PDE4D: variants seen among roughly 807,000 people sequenced by gnomAD.
PDE4D encodes the protein phosphodiesterase 4D.
Under a neutral mutation model 87.4 loss-of-function variants are expected in PDE4D, and 24 were observed. The ratio of observed to expected loss-of-function variants is 0.27; its 90% CI spans 0.20 to 0.39. The LOEUF is 0.39. Ranked by LOEUF, PDE4D falls within the 10% of genes least tolerant of loss-of-function variation. The pLI is 1.00. For synonymous variants in PDE4D, 384 were observed against 383.2 expected, an observed-to-expected ratio of 1.00 and a Z score of -0.02; for missense variants, 714 against 1,041.0, an observed-to-expected ratio of 0.69 and a Z score of 4.32.
rs74401640 is a variant in PDE4D at position 59,189,921 on chromosome 5, T to C, written c.684+3579A>G. ...AGAATTTCTAGCCCTGACAGTGTTTTAGACAATGGGATAAACTATGGAGAG... is the reference window on the plus strand; with the variant it reads ...AGAATTTCTAGCCCTGACAGTGTTTCAGACAATGGGATAAACTATGGAGAG... On this transcript the variant is annotated intron_variant, in intron 3 of 14. Transcript: ENST00000340635. Among the ~76,000 whole-genome samples the C allele has an allele frequency of 3.9e-4, 60 of 152,360 alleles. 1 individual carries two copies. In the East Asian group the frequency reaches 0.011, roughly 29 times the overall value.
chr5:60,051,131 T>C (rs117507665), intron 2 of PDE4D, among the ~76,000 whole-genome samples: 23,381 of 151,898 alleles, frequency 0.15, 1,832 homozygotes, highest in Middle Eastern at 0.23. Flanking sequence ...AGACACATCA[T>C]TGAGACAGAA....
intron 3 of PDE4D, among the ~76,000 whole-genome samples, chr5:59,187,179 G>GA (rs1271985688): frequency 2.0e-5 from 3 of 152,090 alleles, no homozygotes; most frequent in Non-Finnish European, 4.4e-5. Flanking sequence ...CATCAGTCAT[G>GA]AAAAGAAAAA....
intron 1 of PDE4D, among the ~76,000 whole-genome samples, chr5:59,698,105 T>C (rs1752047164): frequency 6.6e-6 from 1 of 152,142 alleles, no homozygotes; most frequent in Non-Finnish European, 1.5e-5. Context: ...TAGAAAGCAT[T>C]CATCCCACTA....
chr5:60,127,035 C>T (rs1356705336), intron 2 of PDE4D, among the ~76,000 whole-genome samples: 1 of 152,074 alleles, frequency 6.6e-6, no homozygotes, highest in Non-Finnish European at 1.5e-5. Context: ...GTCTTCTAAA[C>T]TGAAGTGAAT....
At chr5:59,037,076 C>A (rs1426137131) in intron 6 of PDE4D, among the ~76,000 whole-genome samples, 1 of 151,986 alleles carries the variant, frequency 6.6e-6, no homozygotes, top group Non-Finnish European at 1.5e-5. Context: ...ATTATTATGA[C>A]CTAAAAAATT....
At chr5:59,187,216 T>G (rs1486483654) in intron 3 of PDE4D, among the ~76,000 whole-genome samples, 1 of 152,186 alleles carries the variant, frequency 6.6e-6, no homozygotes, top group East Asian at 1.9e-4. Context: ...AAAATTTCTG[T>G]AGAGGAGTTT....
At chr5:59,145,105 G>T (rs942008498) in intron 5 of PDE4D, among the ~76,000 whole-genome samples, 16 of 152,256 alleles carry the variant, frequency 1.1e-4, no homozygotes, top group East Asian at 5.8e-4. Context: ...AGGTGTATTT[G>T]TTGAATGCTT....
chr5:60,519,645 G>C (rs16878201), intron 1 of PDE4D, among the ~76,000 whole-genome samples: 9,774 of 152,250 alleles, frequency 0.064, 841 homozygotes, highest in African/African-American at 0.2. Context: ...GCCAAACTTA[G>C]AGGCTGAGTG....
intron 5 of PDE4D, among the ~76,000 whole-genome samples, chr5:59,056,751 C>A (rs959370521): frequency 6.6e-6 from 1 of 152,150 alleles, no homozygotes; most frequent in Non-Finnish European, 1.5e-5. Flanking sequence ...CTTCCAGCTT[C>A]ATTCACGTCC....
chr5:59,951,589 TGGACTG>T lies in PDE4D; in HGVS notation c.272+36893_272+36898del, dbSNP rs1319142168. Among the ~76,000 whole-genome samples the T allele has an allele frequency of 2.0e-5, 3 of 152,184 alleles. No homozygotes were observed. In the East Asian group the frequency reaches 5.8e-4, roughly 29 times the overall value. The stretch of plus-strand genomic sequence containing the variant: ...GAGCTTGCCAATGAAAATTTTACCA[TGGACTG>T]GCTTCAGTCTTTGCAATGACATTTA... On this transcript the variant is annotated intron_variant, in intron 3 of 16. Coordinates refer to the PDE4D transcript ENST00000502484.
intron 1 of PDE4D, among the ~76,000 whole-genome samples, chr5:59,361,856 C>T (rs2153593322): frequency 6.6e-6 from 1 of 152,224 alleles, no homozygotes; most frequent in South Asian, 2.1e-4. Flanking sequence ...ACATTATATT[C>T]TTATATGTGC....
intron 1 of PDE4D, among the ~76,000 whole-genome samples, chr5:59,685,584 G>A (rs1749720654): frequency 2.0e-5 from 3 of 152,096 alleles, no homozygotes; most frequent in Non-Finnish European, 4.4e-5. Context: ...CTTCAGAGAG[G>A]ATTTTGTGAT....
At chr5:59,888,108 C>G (rs140711075) in intron 1 of PDE4D, among the ~76,000 whole-genome samples, 1 of 152,204 alleles carries the variant, frequency 6.6e-6, no homozygotes, top group African/African-American at 2.4e-5. Flanking sequence ...CTTCTCTTCT[C>G]GACATTCCAT....
At chr5:60,011,205 G>T (rs1764990317) in intron 2 of PDE4D, among the ~76,000 whole-genome samples, 1 of 152,146 alleles carries the variant, frequency 6.6e-6, no homozygotes, top group Admixed American at 6.6e-5. Flanking sequence ...AACATGGACA[G>T]CTCCTCCTAA....
At chr5:59,389,419 A>G (rs767896621) in intron 1 of PDE4D, among the ~76,000 whole-genome samples, 1 of 151,868 alleles carries the variant, frequency 6.6e-6, no homozygotes, top group Non-Finnish European at 1.5e-5. Context: ...TTCAGCTAGG[A>G]CAGACAGAGC....
Position 60,365,963 on chromosome 5 carries a change from T to C in PDE4D, c.-90+121979A>G, listed in dbSNP as rs190457453. The stretch of plus-strand genomic sequence containing the variant: ...GGAGGCTGAGGCAGGAGAATTGCTT[T>C]AACCCAGGAGGCAGAGGTTGCAGTG... On this transcript the variant is annotated intron_variant, in intron 1 of 16. Coordinates refer to the PDE4D transcript ENST00000502484. 6.4e-3 allele frequency among the ~76,000 whole-genome samples: 966 copies of C among 150,304 alleles called. 6 individuals are homozygous for C. The highest frequency in any genetic ancestry group is 0.023 in the African/African-American group (921 of 40,770).
At chr5:60,518,164 T>G (rs2150263336) in intron 1 of PDE4D, among the ~76,000 whole-genome samples, 1 of 152,358 alleles carries the variant, frequency 6.6e-6, no homozygotes, top group Non-Finnish European at 1.5e-5. Context: ...CTGGCATGAC[T>G]GGCTGTGCAC....
In PDE4D at chr5:60,213,192, C is replaced by T. The variant is rs112288454; in HGVS notation, c.-89-27505G>A. ...TACTTTGCGATAAGAGTTTCAAATA[C>T]ATATTAGATTCCACCAGTTTCATGT... is the stretch of plus-strand genomic sequence containing the variant. On this transcript the variant is annotated intron_variant, in intron 1 of 16. Transcript: ENST00000502484. Among the ~76,000 whole-genome samples, 228 of 152,300 alleles carry T rather than the reference C, an allele frequency of 1.5e-3. 2 individuals carry two copies. The highest frequency in any genetic ancestry group is 5.2e-3 in the African/African-American group (218 of 41,560).
chr5:59,777,073 T>A (rs1764150726), intron 1 of PDE4D, among the ~76,000 whole-genome samples: 1 of 152,164 alleles, frequency 6.6e-6, no homozygotes, highest in African/African-American at 2.4e-5. Flanking sequence ...TCCACAAACA[T>A]CTCCTTGAAC....
Sources: gnomAD v4.1 joint callset for allele counts (sites outside exome capture counted in the v4.1 genomes callset) on GRCh38, gnomAD v4.1.1 for gene constraint, MANE v1.5 for transcripts, NCBI Gene and HGNC (gene_info 2026-07-23, HGNC 2026-07-21) for gene names.